The following STAB2 variants were observed in gnomAD, a reference collection of about 807,000 sequenced individuals.
STAB2 encodes the protein stabilin-2.
A neutral mutation model predicts 338.1 loss-of-function variants in STAB2; 288 were observed. The observed-to-expected ratio is 0.85, with a 90% confidence interval of 0.77 to 0.94. STAB2 has a LOEUF of 0.94. STAB2 is among the 40% of genes least tolerant of loss of function. The pLI, the probability that STAB2 is intolerant of heterozygous loss-of-function variation, is 0.00. For missense variants in STAB2, 3,141 were observed against 3,210.1 expected, an observed-to-expected ratio of 0.98 and a Z score of 0.52; for synonymous variants, 1,202 against 1,193.3, an observed-to-expected ratio of 1.01 and a Z score of -0.15.
chr12:103,659,342 G>A (rs1410537322), intron 15 of STAB2, among the ~76,000 whole-genome samples: 1 of 152,226 alleles, frequency 6.6e-6, no homozygotes. Context: ...CAAATGCAGA[G>A]AGGAGGCTGG....
chr12:103,650,285 G>T (rs745876822), intron 10 of STAB2, among the ~76,000 whole-genome samples: 3 of 152,112 alleles, frequency 2.0e-5, no homozygotes, highest in Non-Finnish European at 4.4e-5. Flanking sequence ...AACTCTCACG[G>T]CATTATGTGG....
intron 39 of STAB2, among the ~76,000 whole-genome samples, chr12:103,708,748 T>G (rs1241299132): frequency 1.3e-5 from 2 of 152,214 alleles, no homozygotes; most frequent in African/African-American, 4.8e-5. Context: ...GAACTATTAC[T>G]GATATTTTAT....
chr12:103,628,624 T>A (rs762866476), intron 5 of STAB2, among the ~76,000 whole-genome samples: 2 of 152,214 alleles, frequency 1.3e-5, no homozygotes, highest in Non-Finnish European at 2.9e-5. Flanking sequence ...TGTTTTTGGT[T>A]GTGACAGTAT....
chr12:103,675,668 T>C (rs1196688524), intron 23 of STAB2, among the ~76,000 whole-genome samples: 7 of 152,246 alleles, frequency 4.6e-5, no homozygotes, highest in African/African-American at 1.7e-4. Context: ...ATTTTCCTCA[T>C]GAGAAATAAG....
intron 6 of STAB2, 120 bp from the exon 7 acceptor site, chr12:103,636,991 T>G (rs1957557356): frequency 8.6e-7 from 1 of 1,157,174 alleles, no homozygotes; most frequent in South Asian, 2.3e-5. Context: ...GTGTTCTGTA[T>G]TTTTTAAATT....
At chr12:103,765,096 A>C (rs909083742) in intron 68 of STAB2, among the ~76,000 whole-genome samples, 17 of 151,584 alleles carry the variant, frequency 1.1e-4, no homozygotes, top group African/African-American at 4.1e-4. Context: ...CAAAAAAAAA[A>C]AAAAAAAAAA....
intron 59 of STAB2, 32 bp downstream of exon 59, chr12:103,749,188 G>A (rs369739292): frequency 6.4e-7 from 1 of 1,570,542 alleles, no homozygotes; most frequent in Non-Finnish European, 8.7e-7. Flanking sequence ...AAATTTGGGA[G>A]CAGCGCCGTG....
intron 47 of STAB2, 152 bp downstream of exon 47, chr12:103,727,502 C>A: frequency 1.2e-6 from 1 of 854,810 alleles, no homozygotes. Context: ...CCTCTTGGCA[C>A]AGGGACCCCT....
chr12:103,607,636 G>A (rs1957052503), intron 3 of STAB2, among the ~76,000 whole-genome samples: 1 of 151,856 alleles, frequency 6.6e-6, no homozygotes, highest in South Asian at 2.1e-4. Context: ...AACATGTGGT[G>A]TTTGGTTTTT....
At chr12:103,634,760 A>AT (rs1487125741) in intron 6 of STAB2, among the ~76,000 whole-genome samples, 1 of 152,226 alleles carries the variant, frequency 6.6e-6, no homozygotes, top group Non-Finnish European at 1.5e-5. Context: ...CATGGTGATT[A>AT]GGGATCCAGA....
intron 25 of STAB2, among the ~76,000 whole-genome samples, chr12:103,682,061 C>T (rs1876961937): frequency 6.6e-6 from 1 of 152,140 alleles, no homozygotes; most frequent in South Asian, 2.1e-4. Flanking sequence ...GGACGCAGTT[C>T]AACCTATTAC....
rs572341390 is a variant in STAB2 at position 103,691,351 on chromosome 12, G to T, written c.3297+813G>T. Among the ~76,000 whole-genome samples the T allele has an allele frequency of 2.0e-5, 3 of 152,306 alleles. No individual in the cohort carries two copies. The East Asian group carries it at 5.8e-4, about 29-fold the overall frequency. On this transcript the variant is annotated intron_variant, in intron 30 of 68. Transcript: ENST00000388887. ...TCATCAGTGTGAGCACTATGAAAAA[G>T]ATCTATGCGTAGTAATACCTACATA...
At chr12:103,677,762 C>A in intron 25 of STAB2, 151 bp downstream of exon 25, 1 of 913,820 alleles carries the variant, frequency 1.1e-6, no homozygotes, top group Non-Finnish European at 1.6e-6. Context: ...CCACAACAAA[C>A]CTATGATGTA....
chr12:103,717,698 T>C, intron 43 of STAB2, 72 bp from the exon 44 acceptor site: 1 of 1,353,378 alleles, frequency 7.4e-7, no homozygotes, highest in Non-Finnish European at 1.1e-6. Flanking sequence ...AGTTCAGGTC[T>C]GAGAGCCAGA....
chr12:103,642,802 C>T (rs962036076), intron 9 of STAB2, among the ~76,000 whole-genome samples: 3 of 152,196 alleles, frequency 2.0e-5, no homozygotes, highest in Non-Finnish European at 4.4e-5. Context: ...CAATTTCCTG[C>T]CCAAACAGCT....
chr12:103,689,871 C>T lies in STAB2; in HGVS notation c.3071C>T (p.Ser1024Leu), dbSNP rs1489257031. ...AATGCTTCTCTACAACCCACACTGT[C>T]AGCCACCTCAAACCTCACTGTCCTC... The part of the protein sequence containing the change: ...INNASLQPTL[S>L]ATSNLTVLVP... Residue 1024 changes from serine (S) to leucine (L), a missense_variant, in exon 29 of 69, where the codon TCA (serine) becomes TTA (leucine). Transcript: ENST00000388887. 3 of 1,613,964 alleles carry T rather than the reference C, an allele frequency of 1.9e-6. No homozygotes were observed. In the African/African-American group the frequency reaches 4.0e-5, roughly 22 times the overall value.
chr12:103,682,063 A>G (rs767679843), intron 25 of STAB2, among the ~76,000 whole-genome samples: 1 of 152,076 alleles, frequency 6.6e-6, no homozygotes, highest in Non-Finnish European at 1.5e-5. Context: ...ACGCAGTTCA[A>G]CCTATTACAG....
At chr12:103,723,647 T>A (rs965663064) in intron 44 of STAB2, among the ~76,000 whole-genome samples, 2 of 152,206 alleles carry the variant, frequency 1.3e-5, no homozygotes, top group South Asian at 2.1e-4. Context: ...TCTCAGGCAA[T>A]GCACCGCCAG....
chr12:103,594,185 C>T (rs1055766783), intron 2 of STAB2, among the ~76,000 whole-genome samples: 1 of 152,122 alleles, frequency 6.6e-6, no homozygotes, highest in Non-Finnish European at 1.5e-5. Context: ...CCCGTATGTT[C>T]ATTGTTCTCT....
Sources: allele counts gnomAD v4.1 joint callset (sites outside exome capture counted in the v4.1 genomes callset), GRCh38; gene constraint gnomAD v4.1.1; transcripts MANE v1.5; gene names NCBI Gene and HGNC (gene_info 2026-07-23, HGNC 2026-07-21).